BST1: variants seen among roughly 807,000 people sequenced by gnomAD.
BST1 encodes the protein bone marrow stromal cell antigen 1, also known as ADP-ribosyl cyclase/cyclic ADP-ribose hydrolase 2.
Under a neutral mutation model 40.6 loss-of-function variants are expected in BST1, and 49 were observed. That is an observed-to-expected ratio of 1.21 (90% confidence interval 0.96 to 1.53). BST1 has a LOEUF of 1.53. BST1 is among the 40% of genes most tolerant of loss of function. The pLI, the probability that BST1 is intolerant of heterozygous loss-of-function variation, is 0.00. For missense variants in BST1, 423 were observed against 395.9 expected (o/e 1.07, Z -0.58); for synonymous variants, 157 against 159.3 (o/e 0.99, Z 0.11).
chr4:15,706,517 A>G (rs951992740), intron 2 of BST1, among the ~76,000 whole-genome samples: 4 of 152,270 alleles, frequency 2.6e-5, no homozygotes, highest in African/African-American at 9.6e-5. Flanking sequence ...GTCTAATAAA[A>G]TGAAAATAAT....
chr4:15,734,023 T>G (rs1349307434), downstream of BST1, among the ~76,000 whole-genome samples: 1 of 152,172 alleles, frequency 6.6e-6, no homozygotes, highest in African/African-American at 2.4e-5. Flanking sequence ...TACTCAGCAA[T>G]AAAGGTAACT....
chr4:15,734,035 C>A (rs1721477345), downstream of BST1, among the ~76,000 whole-genome samples: 1 of 152,184 alleles, frequency 6.6e-6, no homozygotes, highest in Non-Finnish European at 1.5e-5. Context: ...AAGGTAACTA[C>A]CTTGATATAT....
downstream of BST1, among the ~76,000 whole-genome samples, chr4:15,734,119 A>T (rs1389330947): frequency 6.6e-6 from 1 of 152,222 alleles, no homozygotes; most frequent in East Asian, 1.9e-4. Flanking sequence ...TTCTATTTAT[A>T]TGACATCCTC....
chr4:15,760,432 G>T, the BST1 span, among the ~76,000 whole-genome samples: 2 of 151,630 alleles, frequency 1.3e-5, no homozygotes, highest in African/African-American at 4.9e-5. Flanking sequence ...TATCTCTTGG[G>T]TAGATATCCA....
intron 4 of BST1, among the ~76,000 whole-genome samples, chr4:15,714,824 G>T (rs991496664): frequency 2.0e-5 from 3 of 152,144 alleles, no homozygotes; most frequent in Non-Finnish European, 1.5e-5. Flanking sequence ...TTAAGAAGTG[G>T]TCTATGATTT....
At chr4:15,767,673 T>A in the BST1 span, among the ~76,000 whole-genome samples, 3 of 147,684 alleles carry the variant, frequency 2.0e-5, no homozygotes, top group Non-Finnish European at 4.5e-5. Flanking sequence ...AGCTATGTTG[T>A]TAGCACACAG....
rs541986025 is a variant in BST1, at chr4:15,721,530, A to T, written c.792-1345A>T. On this transcript the variant is annotated intron_variant, in intron 7 of 8. Coordinates refer to ENST00000265016, the MANE Select transcript of BST1 (RefSeq NM_004334.3). ...AGGGACATGGATGAAGCTAGACACA[A>T]TCATTCTGAGCAAACTATCCCAAGG... Among the ~76,000 whole-genome samples the T allele has an allele frequency of 3.0e-4, 45 of 152,294 alleles. No homozygotes were observed. The Middle Eastern group carries it at 0.014, about 46-fold the overall frequency.
rs772298669 is a variant in BST1, at chr4:15,707,621, C to CTGGTGT, written c.427_432dup (p.Trp143_Cys144dup). The CTGGTGT allele has an allele frequency of 7.4e-6, 12 of 1,614,048 alleles. No homozygotes were observed. The highest frequency in any genetic ancestry group is 5.0e-5 in the Admixed American group (3 of 60,008). ...ATGGCAGGGTTGCAGATTTCTTGAG[C>CTGGTGT]TGGTGTCGACAGAAAAATGACTCTG... On this transcript the variant is annotated inframe_insertion, in exon 3 of 9. Transcript: ENST00000265016.
the BST1 span, among the ~76,000 whole-genome samples, chr4:15,749,838 A>C: frequency 4.3e-3 from 660 of 152,196 alleles, 4 homozygotes; most frequent in Non-Finnish European, 6.2e-3. Context: ...CAAACAATCC[A>C]GTTATACTTT....
chr4:15,706,806 T>C (rs1053077143), intron 2 of BST1, among the ~76,000 whole-genome samples: 1 of 152,196 alleles, frequency 6.6e-6, no homozygotes, highest in African/African-American at 2.4e-5. Flanking sequence ...CGGTGCTAGT[T>C]GATGAACTCA....
At chr4:15,769,330 T>G in the BST1 span, among the ~76,000 whole-genome samples, 1 of 152,204 alleles carries the variant, frequency 6.6e-6, no homozygotes, top group African/African-American at 2.4e-5. Flanking sequence ...GTTCTGGTGC[T>G]AGGGACAGAG....
At chr4:15,756,706 T>G in the BST1 span, among the ~76,000 whole-genome samples, 1 of 152,316 alleles carries the variant, frequency 6.6e-6, no homozygotes, top group East Asian at 1.9e-4. Context: ...TGTGGAGAGC[T>G]GTTTTTCCCC....
chr4:15,728,480 A>C (rs12643722), intron 8 of BST1, among the ~76,000 whole-genome samples: 11,461 of 119,010 alleles, frequency 0.096, 1,080 homozygotes, highest in East Asian at 0.53. Flanking sequence ...GAGACAGGTT[A>C]TCGCTCTGTC....
chr4:15,762,485 T>A, the BST1 span, among the ~76,000 whole-genome samples: 3 of 152,172 alleles, frequency 2.0e-5, no homozygotes, highest in African/African-American at 7.2e-5. Flanking sequence ...ATTCAAAGCA[T>A]ACAAGCTTAC....
At chr4:15,709,173 A>G (rs563646858) in intron 3 of BST1, among the ~76,000 whole-genome samples, 3 of 152,280 alleles carry the variant, frequency 2.0e-5, no homozygotes, top group East Asian at 3.9e-4. Context: ...AGGGCCAGGG[A>G]AAGGAAAGTG....
At chr4:15,773,146 G>A in the BST1 span, among the ~76,000 whole-genome samples, 1 of 152,184 alleles carries the variant, frequency 6.6e-6, no homozygotes, top group Non-Finnish European at 1.5e-5. Context: ...ACTTTCTCTT[G>A]GACTAAGTTA....
chr4:15,741,805 G>T (rs893797535), downstream of BST1, among the ~76,000 whole-genome samples: 2 of 152,216 alleles, frequency 1.3e-5, no homozygotes, highest in Non-Finnish European at 2.9e-5. Context: ...AACAGAGGTT[G>T]CATGGCCCGC....
chr4:15,703,652 T>G (rs1387950772), intron 1 of BST1, among the ~76,000 whole-genome samples: 15 of 85,584 alleles, frequency 1.8e-4, no homozygotes, highest in South Asian at 8.2e-4. Context: ...GTGCGCGCGC[T>G]CTAGAGGTGG....
chr4:15,709,529 TGCAGAGGGTGG>T (rs1388948197), intron 3 of BST1, among the ~76,000 whole-genome samples: 1 of 152,154 alleles, frequency 6.6e-6, no homozygotes, highest in Non-Finnish European at 1.5e-5. Flanking sequence ...TTGATGATGC[TGCAGAGGGTGG>T]GGAGAAGGAG....
Sources: gnomAD v4.1 joint callset for allele counts (sites outside exome capture counted in the v4.1 genomes callset) on GRCh38, gnomAD v4.1.1 for gene constraint, MANE v1.5 for transcripts, NCBI Gene and HGNC (gene_info 2026-07-23, HGNC 2026-07-21) for gene names.